Variants in SPATA6 observed in about 807,000 individuals in gnomAD.
The protein encoded by SPATA6 is spermatogenesis associated 6, also known as spermatogenesis-associated protein 6.
In SPATA6, 56 loss-of-function variants were observed where a neutral mutation model predicts 65.3. That is an observed-to-expected ratio of 0.86 (90% CI 0.69 to 1.07). The LOEUF is 1.07. Ranked by LOEUF, SPATA6 falls within the 50% of genes least tolerant of loss-of-function variation. The pLI is 0.00. For synonymous variants in SPATA6, 199 were observed against 213.2 expected (o/e 0.93, Z 0.58); for missense variants, 590 against 594.8 (o/e 0.99, Z 0.08).
chr1:48,280,862 C>T, the SPATA6 span, among the ~76,000 whole-genome samples: 24 of 152,224 alleles, frequency 1.6e-4, no homozygotes, highest in Middle Eastern at 3.4e-3. Flanking sequence ...ATACCAAAGC[C>T]GAGCAGAGAC....
In SPATA6 at chr1:48,395,378, T is replaced by C. The variant is rs1172845391; in HGVS notation, c.781-24A>G. ...ACCTAGAGGAAGCAGGATTTTTATG[T>C]AAAAGAGAGTTTAAACATTCCTAGA... On this transcript the variant is annotated intron_variant, in intron 7 of 12. Transcript: ENST00000371847. 2.7e-6 allele frequency: 4 copies of C among 1,498,586 alleles called. No individual in the cohort carries two copies. The African/African-American group carries it at 5.7e-5, about 21-fold the overall frequency. 92.8% of individuals were successfully genotyped at this position (1,498,586 alleles called of 1,614,324 possible).
intron 6 of SPATA6, 139 bp downstream of exon 6, chr1:48,403,663 A>G (rs947058526): frequency 1.5e-5 from 9 of 602,374 alleles, no homozygotes; most frequent in Admixed American, 1.0e-4. Context: ...CTAAATACCT[A>G]TATTGTTTCA....
the SPATA6 span, among the ~76,000 whole-genome samples, chr1:48,285,981 A>T: frequency 2.0e-5 from 3 of 152,044 alleles, no homozygotes; most frequent in Non-Finnish European, 4.4e-5. Context: ...AGTTGACCAT[A>T]TATGCATGAG....
chr1:48,430,728 A>C (rs1441070546), intron 3 of SPATA6, among the ~76,000 whole-genome samples: 1 of 152,184 alleles, frequency 6.6e-6, no homozygotes, highest in Non-Finnish European at 1.5e-5. Flanking sequence ...TAGGTGTGTT[A>C]AATGTAATCC....
intron 11 of SPATA6, among the ~76,000 whole-genome samples, chr1:48,323,360 T>G (rs1278601083): frequency 1.4e-5 from 2 of 146,450 alleles, no homozygotes; most frequent in African/African-American, 5.1e-5. Context: ...TATGTGGGAG[T>G]TGAACAATGA....
intron 1 of SPATA6, among the ~76,000 whole-genome samples, chr1:48,453,622 A>T (rs1467385324): frequency 6.6e-6 from 1 of 152,214 alleles, no homozygotes; most frequent in Non-Finnish European, 1.5e-5. Context: ...AAAGTTTCAA[A>T]GCTAATAAAA....
the SPATA6 span, among the ~76,000 whole-genome samples, chr1:48,276,442 A>G: frequency 6.6e-6 from 1 of 152,086 alleles, no homozygotes. Context: ...TCAACTTTAG[A>G]TCTTTCCCAC....
chr1:48,277,883 T>G, the SPATA6 span, among the ~76,000 whole-genome samples: 2 of 152,234 alleles, frequency 1.3e-5, no homozygotes, highest in African/African-American at 4.8e-5. Context: ...CCTCCTCAAG[T>G]GGGTCCCTGA....
At chr1:48,375,264 C>G (rs189192444) in intron 9 of SPATA6, among the ~76,000 whole-genome samples, 6 of 147,408 alleles carry the variant, frequency 4.1e-5, no homozygotes, top group African/African-American at 1.6e-4. Flanking sequence ...CTATTAATTG[C>G]AAATTTGTAT....
chr1:48,447,674 G>T (rs923218676), intron 3 of SPATA6, among the ~76,000 whole-genome samples: 1 of 152,068 alleles, frequency 6.6e-6, no homozygotes, highest in Non-Finnish European at 1.5e-5. Context: ...CTCAATAAAT[G>T]TAAAAAAGTT....
At chr1:48,366,079 T>C (rs2148838187) in intron 9 of SPATA6, among the ~76,000 whole-genome samples, 1 of 152,344 alleles carries the variant, frequency 6.6e-6, no homozygotes, top group East Asian at 1.9e-4. Flanking sequence ...TGGTTCTGTT[T>C]ATATGCTGAA....
Position 48,472,196 on chromosome 1 carries a change from C to A in SPATA6, c.-188G>T. ...AGCAGCTGAGCGCGGGGCGCAGACT[C>A]GTTGTCATGGCAGCCAGGAGGGGCG... On this transcript the variant is annotated 5_prime_UTR_variant, in exon 1 of 13. Transcript: ENST00000371847. The A allele has an allele frequency of 2.0e-6, 1 of 511,446 alleles. No homozygotes were observed. The highest frequency in any genetic ancestry group is 3.4e-6 in the Non-Finnish European group (1 of 294,940). The allele number at this position is 511,446 out of a possible 1,614,324, so 31.7% of individuals were successfully genotyped here.
At chr1:48,352,996 T>C (rs1377758642) in intron 11 of SPATA6, among the ~76,000 whole-genome samples, 1 of 150,064 alleles carries the variant, frequency 6.7e-6, no homozygotes, top group African/African-American at 2.4e-5. Context: ...TGAAGAAAAC[T>C]CAGAATTCTC....
chr1:48,343,336 T>TA (rs113070336), intron 11 of SPATA6, among the ~76,000 whole-genome samples: 13 of 151,584 alleles, frequency 8.6e-5, no homozygotes, highest in African/African-American at 2.4e-4. Flanking sequence ...CACAATTATC[T>TA]AAAAAAAAGG....
chr1:48,319,181 A>C (rs984613463), intron 11 of SPATA6, among the ~76,000 whole-genome samples: 4 of 152,190 alleles, frequency 2.6e-5, no homozygotes, highest in Admixed American at 6.5e-5. Context: ...ACATAGGCAT[A>C]AATTTTTATG....
At chr1:48,327,058 A>C (rs894145462) in intron 11 of SPATA6, among the ~76,000 whole-genome samples, 1 of 152,206 alleles carries the variant, frequency 6.6e-6, no homozygotes, top group Non-Finnish European at 1.5e-5. Context: ...CATAGTAAAC[A>C]GACAACTTAC....
the SPATA6 span, among the ~76,000 whole-genome samples, chr1:48,283,693 A>AAAAGAAAGAAAGAAAGAAAG: frequency 1.3e-4 from 1 of 7,868 alleles, no homozygotes. Context: ...AAAAAAAAAA[A>AAAAGAAAGAAAGAAAGAAAG]AAAAAAAGAA....
downstream of SPATA6, among the ~76,000 whole-genome samples, chr1:48,291,213 A>G (rs1321325497): frequency 6.6e-6 from 1 of 152,230 alleles, no homozygotes; most frequent in Non-Finnish European, 1.5e-5. Context: ...GTTGGCCTCC[A>G]GCCAGGAGGT....
At chr1:48,313,287 C>T (rs1645283446) in intron 11 of SPATA6, among the ~76,000 whole-genome samples, 1 of 152,128 alleles carries the variant, frequency 6.6e-6, no homozygotes, top group Non-Finnish European at 1.5e-5. Context: ...TTAAGGGCAG[C>T]CAGAGAGAAA....
Sources: gnomAD v4.1 joint callset for allele counts (sites outside exome capture counted in the v4.1 genomes callset) on GRCh38, gnomAD v4.1.1 for gene constraint, MANE v1.5 for transcripts, NCBI Gene and HGNC (gene_info 2026-07-23, HGNC 2026-07-21) for gene names.